CNTNAP2: variants seen among roughly 807,000 people sequenced by gnomAD.
CNTNAP2 encodes the protein contactin-associated protein-like 2.
In CNTNAP2, 98 loss-of-function variants were observed where a neutral mutation model predicts 155.2. The ratio of observed to expected loss-of-function variants is 0.63; its 90% CI spans 0.54 to 0.75. The LOEUF is 0.75. Among genes scored for constraint, CNTNAP2 ranks in the 30% least tolerant of loss-of-function variants. The pLI, the probability that CNTNAP2 is intolerant of heterozygous loss-of-function variation, is 0.00. For missense variants in CNTNAP2, 1,727 were observed against 1,688.1 expected (o/e 1.02, Z -0.40); for synonymous variants, 651 against 631.2 (o/e 1.03, Z -0.47).
chr7:147,510,416 G>C (rs1176736967), intron 11 of CNTNAP2, among the ~76,000 whole-genome samples: 1 of 152,058 alleles, frequency 6.6e-6, no homozygotes, highest in Non-Finnish European at 1.5e-5. Context: ...GGAGATCCCT[G>C]CAGAATACAC....
chr7:148,223,029 G>T (rs1394314961), intron 19 of CNTNAP2, among the ~76,000 whole-genome samples: 2 of 152,112 alleles, frequency 1.3e-5, no homozygotes, highest in Non-Finnish European at 2.9e-5. Context: ...CCAGGTCCAC[G>T]GATTCAATCT....
chr7:147,571,948 C>T (rs547258300), intron 12 of CNTNAP2, among the ~76,000 whole-genome samples: 17 of 152,350 alleles, frequency 1.1e-4, no homozygotes, highest in Admixed American at 2.0e-4. Flanking sequence ...ATCTTCTCCT[C>T]TTTGTCGACC....
chr7:148,081,857 A>G (rs1245510797), intron 15 of CNTNAP2, among the ~76,000 whole-genome samples: 1 of 152,158 alleles, frequency 6.6e-6, no homozygotes, highest in Non-Finnish European at 1.5e-5. Context: ...TATGTGAGAA[A>G]GTGGGCTTGC....
At position 147,475,093 on chromosome 7, in the gene CNTNAP2, G is replaced by T. The variant is rs549044592; in HGVS notation, c.1671-10842G>T. Among the ~76,000 whole-genome samples, 6 of 152,176 alleles carry T rather than the reference G, an allele frequency of 3.9e-5. No homozygotes were observed. The East Asian group carries it at 9.7e-4, about 24-fold the overall frequency. ...GCGTTGTCTTTTTAATGGCTGTCAG[G>T]GGTTACATTGTACAGACTCCCTTAA... is the stretch of plus-strand genomic sequence containing the variant. On this transcript the variant is annotated intron_variant, in intron 10 of 23. Transcript: ENST00000361727.
At chr7:146,943,406 C>T (rs1170514099) in intron 3 of CNTNAP2, among the ~76,000 whole-genome samples, 4 of 152,112 alleles carry the variant, frequency 2.6e-5, no homozygotes, top group Non-Finnish European at 4.4e-5. Flanking sequence ...GCAAGAGAAT[C>T]GCTTAAACCT....
intron 1 of CNTNAP2, among the ~76,000 whole-genome samples, chr7:146,262,482 A>G (rs1302626128): frequency 6.6e-6 from 1 of 152,196 alleles, no homozygotes; most frequent in East Asian, 1.9e-4. Flanking sequence ...AAGATACAGA[A>G]AGAAATATTT....
At chr7:146,432,322 C>T (rs1796184399) in intron 1 of CNTNAP2, among the ~76,000 whole-genome samples, 1 of 152,050 alleles carries the variant, frequency 6.6e-6, no homozygotes, top group South Asian at 2.1e-4. Flanking sequence ...GAGTCATGCT[C>T]ACTGTTTTTA....
chr7:148,400,020 GGCAGAAGCA>G (rs1342437828), intron 22 of CNTNAP2, among the ~76,000 whole-genome samples: 1 of 152,140 alleles, frequency 6.6e-6, no homozygotes, highest in African/African-American at 2.4e-5. Context: ...GACCAACTCA[GGCAGAAGCA>G]GCATTTTTAC....
chr7:147,395,982 ATATC>A (rs1225735293), intron 10 of CNTNAP2, among the ~76,000 whole-genome samples: 3 of 149,916 alleles, frequency 2.0e-5, no homozygotes, highest in Non-Finnish European at 4.4e-5. Context: ...TATATATCAT[ATATC>A]TATCATGTAT....
intron 9 of CNTNAP2, among the ~76,000 whole-genome samples, chr7:147,319,057 G>A (rs1179592114): frequency 6.6e-6 from 1 of 152,058 alleles, no homozygotes; most frequent in African/African-American, 2.4e-5. Context: ...ATGTACATTT[G>A]TTACTTACAG....
chr7:148,061,202 G>A (rs1326081431), intron 15 of CNTNAP2, among the ~76,000 whole-genome samples: 2 of 138,348 alleles, frequency 1.4e-5, no homozygotes, highest in Non-Finnish European at 3.0e-5. Flanking sequence ...AGGAGTAAAT[G>A]AAACAATTAA....
intron 1 of CNTNAP2, among the ~76,000 whole-genome samples, chr7:146,621,906 A>G (rs1387989242): frequency 6.6e-6 from 1 of 152,102 alleles, no homozygotes; most frequent in Non-Finnish European, 1.5e-5. Context: ...CCATTTATTC[A>G]ATCATTTACA....
intron 1 of CNTNAP2, among the ~76,000 whole-genome samples, chr7:146,528,905 A>T (rs573085981): frequency 6.6e-6 from 1 of 152,220 alleles, no homozygotes; most frequent in Admixed American, 6.5e-5. Context: ...AAAAGGCCTT[A>T]GTTAAAATAT....
intron 13 of CNTNAP2, among the ~76,000 whole-genome samples, chr7:147,744,807 A>G (rs138641975): frequency 0.013 from 2,041 of 152,236 alleles, 15 homozygotes; most frequent in Middle Eastern, 0.068. Flanking sequence ...ATACTATCCT[A>G]TCAGGGAGCA....
intron 17 of CNTNAP2, among the ~76,000 whole-genome samples, chr7:148,157,668 T>C (rs1805426558): frequency 6.6e-6 from 1 of 151,762 alleles, no homozygotes; most frequent in Non-Finnish European, 1.5e-5. Context: ...GTCTTCCTGA[T>C]ATCAAATTGG....
At chr7:146,180,893 C>T (rs1584789887) in intron 1 of CNTNAP2, among the ~76,000 whole-genome samples, 1 of 152,224 alleles carries the variant, frequency 6.6e-6, no homozygotes, top group South Asian at 2.1e-4. Context: ...AGTTCAGAGT[C>T]GGGTGTATGT....
At chr7:146,689,237 G>A (rs1707672381) in intron 1 of CNTNAP2, among the ~76,000 whole-genome samples, 1 of 152,020 alleles carries the variant, frequency 6.6e-6, no homozygotes, top group African/African-American at 2.4e-5. Context: ...TTCTCTATGA[G>A]TGGTGATCAA....
At chr7:148,283,147 G>A (rs1797002173) in intron 21 of CNTNAP2, among the ~76,000 whole-genome samples, 2 of 125,836 alleles carry the variant, frequency 1.6e-5, no homozygotes, top group African/African-American at 5.4e-5. Flanking sequence ...GCTGAGGCAG[G>A]AGAATTGCTT....
chr7:147,607,428 C>CTT (rs1325796232), intron 12 of CNTNAP2, among the ~76,000 whole-genome samples: 272 of 150,944 alleles, frequency 1.8e-3, no homozygotes, highest in Non-Finnish European at 2.9e-3. Flanking sequence ...CTCTCTCTCT[C>CTT]TCTTCTTTCT....
Sources: allele counts gnomAD v4.1 joint callset (sites outside exome capture counted in the v4.1 genomes callset), GRCh38; gene constraint gnomAD v4.1.1; transcripts MANE v1.5; gene names NCBI Gene and HGNC (gene_info 2026-07-23, HGNC 2026-07-21).